MRE11: variants seen among roughly 807,000 people sequenced by gnomAD.
MRE11 encodes MRE11 double strand break repair nuclease, also known as double-strand break repair protein MRE11.
A neutral mutation model predicts 91.7 loss-of-function variants in MRE11; 62 were observed. The observed-to-expected ratio is 0.68, with a 90% CI of 0.55 to 0.84. MRE11 has a LOEUF of 0.84. Among genes scored for constraint, MRE11 ranks in the 40% least tolerant of loss-of-function variants. The probability of loss-of-function intolerance (pLI) is 0.00; values close to 1 mark genes in which losing one functional copy is unlikely to be tolerated. For missense variants in MRE11, 796 were observed against 852.9 expected (o/e 0.93, Z 0.83); for synonymous variants, 273 against 271.4 (o/e 1.01, Z -0.06).
At chr11:94,450,285 T>C (rs533105843) in intron 14 of MRE11, among the ~76,000 whole-genome samples, 1 of 152,324 alleles carries the variant, frequency 6.6e-6, no homozygotes, top group East Asian at 1.9e-4. Context: ...CATTTGCTAA[T>C]TCTGTGCTGG....
intron 19 of MRE11, among the ~76,000 whole-genome samples, chr11:94,421,688 C>T (rs1422829219): frequency 6.6e-6 from 1 of 152,180 alleles, no homozygotes; most frequent in Non-Finnish European, 1.5e-5. Flanking sequence ...TAAACCACAG[C>T]TTAAATACAG....
In MRE11 at chr11:94,485,939, T is replaced by G. The variant is rs1270616264; in HGVS notation, c.299A>C (p.Asn100Thr). 1 of 1,612,954 alleles carries G rather than the reference T, an allele frequency of 6.2e-7. No homozygotes were observed. ...ATATACTTACTTACTAAAACCAAAG[T>G]TGACTGACTGATCACTGAGAATTTC... ...QFEILSDQSV[N>T]FGFSKFPWVN... The change falls in exon 4 of 20, where the codon AAC becomes ACC. Residue 100 changes from asparagine (N) to threonine (T), a missense_variant. By Grantham distance (65) the Asn-to-Thr change is moderately conservative. Transcript: ENST00000323929.
chr11:94,508,484 A>G, the MRE11 span, among the ~76,000 whole-genome samples: 1 of 152,084 alleles, frequency 6.6e-6, no homozygotes, highest in Admixed American at 6.5e-5. Flanking sequence ...TTCCTATATT[A>G]ATATCCAATT....
At chr11:94,456,640 T>A (rs1946254656) in intron 13 of MRE11, among the ~76,000 whole-genome samples, 1 of 152,164 alleles carries the variant, frequency 6.6e-6, no homozygotes. Context: ...GTATTACACT[T>A]CAGTAAACTA....
intron 18 of MRE11, among the ~76,000 whole-genome samples, chr11:94,430,391 A>G (rs978087891): frequency 5.9e-5 from 9 of 152,220 alleles, no homozygotes; most frequent in African/African-American, 2.2e-4. Context: ...TGTATACATT[A>G]CCATCTTCCA....
At chr11:94,505,256 A>G in the MRE11 span, among the ~76,000 whole-genome samples, 2 of 152,186 alleles carry the variant, frequency 1.3e-5, no homozygotes, top group African/African-American at 4.8e-5. Flanking sequence ...CAGGTCCTTC[A>G]GGGAGTATTC....
Position 94,470,507 on chromosome 11 carries a change from T to C in MRE11, c.981A>G (p.Lys327=), listed in dbSNP as rs587782569. Residue 327 remains lysine, a synonymous_variant, in exon 9 of 20, where the codon AAA becomes AAG. Coordinates refer to ENST00000323929, the MANE Select transcript of MRE11 (RefSeq NM_005591.4). Reference sequence around the variant, plus strand: ...AGAAGCTTTGTATGGCTTGGGTTACTTTAGGATTATCTGGGTTAAAAATGT... The same window carrying C: ...AGAAGCTTTGTATGGCTTGGGTTACCTTAGGATTATCTGGGTTAAAAATGT... ...HPDIFNPDNP[K]VTQAIQSFCL... The C allele has an allele frequency of 2.5e-6, 4 of 1,613,050 alleles. No homozygotes were observed. The highest frequency in any genetic ancestry group is 3.4e-6 in the Non-Finnish European group (4 of 1,179,300).
chr11:94,483,196 G>A (rs929626680), intron 4 of MRE11, among the ~76,000 whole-genome samples: 7 of 152,090 alleles, frequency 4.6e-5, no homozygotes, highest in Non-Finnish European at 5.9e-5. Context: ...ATATGGGCTG[G>A]GCATGGTGGC....
At chr11:94,428,754 T>A (rs1236693216) in intron 19 of MRE11, among the ~76,000 whole-genome samples, 1 of 151,844 alleles carries the variant, frequency 6.6e-6, no homozygotes, top group African/African-American at 2.4e-5. Context: ...TCCCAGCTAC[T>A]CGGGAGGCTG....
At chr11:94,508,268 G>T in the MRE11 span, among the ~76,000 whole-genome samples, 9 of 152,186 alleles carry the variant, frequency 5.9e-5, no homozygotes, top group Admixed American at 2.6e-4. Flanking sequence ...TAATTTTAAC[G>T]ACCTCTACTA....
intron 7 of MRE11, among the ~76,000 whole-genome samples, chr11:94,474,697 G>C (rs1411347951): frequency 6.6e-6 from 1 of 152,124 alleles, no homozygotes; most frequent in Non-Finnish European, 1.5e-5. Flanking sequence ...GAACTTTACA[G>C]CAGAGAAAGC....
At chr11:94,461,967 C>T (rs1447975614) in intron 11 of MRE11, among the ~76,000 whole-genome samples, 3 of 152,072 alleles carry the variant, frequency 2.0e-5, no homozygotes, top group Admixed American at 6.5e-5. Context: ...CCCAGCGACT[C>T]GGGAGGCTGA....
chr11:94,493,943 C>G (rs867283152), upstream of MRE11: 2 of 152,342 alleles, frequency 1.3e-5, no homozygotes, highest in Middle Eastern at 3.4e-3. Flanking sequence ...AAAGTAGCGG[C>G]GAGGCCCCGC....
chr11:94,445,718 T>C, intron 16 of MRE11, 92 bp downstream of exon 16: 1 of 951,986 alleles, frequency 1.1e-6, no homozygotes, highest in Non-Finnish European at 1.7e-6. Context: ...AACTTCCCAA[T>C]GATTGCAACA....
At chr11:94,494,962 C>G (rs1223601472), upstream of MRE11, among the ~76,000 whole-genome samples, 1 of 152,080 alleles carries the variant, frequency 6.6e-6, no homozygotes, top group South Asian at 2.1e-4. Flanking sequence ...AGTGGAAGCT[C>G]CAGGAGAATT....
At chr11:94,456,174 T>C (rs1946243690) in intron 14 of MRE11, 102 bp downstream of exon 14, 2 of 1,090,770 alleles carry the variant, frequency 1.8e-6, no homozygotes, top group South Asian at 2.6e-5. Flanking sequence ...AGCTCACTCC[T>C]ATCCCCTAGA....
upstream of MRE11, chr11:94,498,739 T>C (rs1434243865): frequency 3.5e-6 from 2 of 572,606 alleles, no homozygotes; most frequent in Non-Finnish European, 6.1e-6. Context: ...CTGTGGAGTT[T>C]GTGATTTTTT....
intron 10 of MRE11, among the ~76,000 whole-genome samples, chr11:94,465,395 CTTT>C (rs752729940): frequency 2.3e-5 from 3 of 127,954 alleles, no homozygotes; most frequent in African/African-American, 3.1e-5. Context: ...CTCTCTCTCT[CTTT>C]TTTTTTTTTT....
intron 4 of MRE11, among the ~76,000 whole-genome samples, chr11:94,482,651 C>T (rs1000214641): frequency 2.6e-5 from 4 of 152,058 alleles, no homozygotes; most frequent in Non-Finnish European, 4.4e-5. Flanking sequence ...AAAAATGTCC[C>T]GGCTGGGTGT....
Sources: gnomAD v4.1 joint callset for allele counts (sites outside exome capture counted in the v4.1 genomes callset) on GRCh38, gnomAD v4.1.1 for gene constraint, MANE v1.5 for transcripts, NCBI Gene and HGNC (gene_info 2026-07-23, HGNC 2026-07-21) for gene names.